Variants in DOCK8 observed in about 807,000 individuals in gnomAD.
DOCK8 encodes dedicator of cytokinesis protein 8.
In DOCK8, 141 loss-of-function variants were observed where a neutral mutation model predicts 245.6. The observed-to-expected ratio is 0.57, with a 90% CI of 0.50 to 0.66. The LOEUF is 0.66. DOCK8 is among the 30% of genes least tolerant of loss of function. DOCK8 has a pLI of 0.00. For missense variants in DOCK8, 2,965 were observed against 2,603.4 expected (o/e 1.14, Z -3.02); for synonymous variants, 1,168 against 970.2 (o/e 1.20, Z -3.79).
chr9:289,729 C>T, intron 4 of DOCK8, 148 bp downstream of exon 4: 1 of 642,650 alleles, frequency 1.6e-6, no homozygotes, highest in Non-Finnish European at 2.7e-6. Flanking sequence ...CTTATCCCCA[C>T]TCCATATCAC....
chr9:403,866 C>CTCTCTCTCTG (rs2055232636), intron 26 of DOCK8, among the ~76,000 whole-genome samples: 1 of 49,860 alleles, frequency 2.0e-5, no homozygotes, highest in Non-Finnish European at 3.3e-5. Flanking sequence ...GTATCTCTCT[C>CTCTCTCTCTG]TCTCTCTCTC....
intron 4 of DOCK8, among the ~76,000 whole-genome samples, chr9:302,917 C>T (rs976408504): frequency 2.0e-5 from 3 of 151,312 alleles, no homozygotes; most frequent in African/African-American, 7.3e-5. Flanking sequence ...TATTTGAAGC[C>T]AGGAGGTTGA....
intron 45 of DOCK8, among the ~76,000 whole-genome samples, chr9:450,198 C>T (rs563319032): frequency 6.6e-6 from 1 of 152,128 alleles, no homozygotes; most frequent in Non-Finnish European, 1.5e-5. Context: ...GTCTCCACTT[C>T]GGGGCCAGAC....
At chr9:227,836 C>T (rs182016616) in intron 1 of DOCK8, among the ~76,000 whole-genome samples, 1 of 152,074 alleles carries the variant, frequency 6.6e-6, no homozygotes, top group Admixed American at 6.5e-5. Flanking sequence ...CACTGTCAAT[C>T]CATACAAAAA....
chr9:283,868 G>T (rs1047143292), intron 2 of DOCK8, among the ~76,000 whole-genome samples: 1 of 152,122 alleles, frequency 6.6e-6, no homozygotes, highest in African/African-American at 2.4e-5. Context: ...TCCCGTGGAT[G>T]TCTCATTTTG....
intron 1 of DOCK8, among the ~76,000 whole-genome samples, chr9:242,058 T>A (rs995843185): frequency 6.6e-6 from 1 of 152,212 alleles, no homozygotes; most frequent in African/African-American, 2.4e-5. Flanking sequence ...TTCTCAAACA[T>A]AGCTATCTTG....
chr9:441,594 A>T (rs1057171524), intron 41 of DOCK8, among the ~76,000 whole-genome samples, 177 bp downstream of exon 41: 7 of 152,238 alleles, frequency 4.6e-5, no homozygotes, highest in African/African-American at 1.4e-4. Flanking sequence ...AAAATTCCAT[A>T]TGTGAAAACA....
rs61121278 is a variant in DOCK8 at position 304,974 on chromosome 9, C to T, written c.528+270C>T. ...CAGAGACACCTTGGGCCCATCCCTACGACAGTTCCTGCAGAGACTCTTGGT... is the reference window on the plus strand; with the variant it reads ...CAGAGACACCTTGGGCCCATCCCTATGACAGTTCCTGCAGAGACTCTTGGT... On this transcript the variant is annotated intron_variant, in intron 5 of 47. Coordinates refer to ENST00000432829, the MANE Select transcript of DOCK8 (RefSeq NM_203447.4). Among the ~76,000 whole-genome samples, 3,335 of 152,182 alleles carry T rather than the reference C, an allele frequency of 0.022. 51 individuals are homozygous for T. Among genetic ancestry groups the T allele is most frequent in the African/African-American group, 0.036 (1,490 of 41,540 alleles).
intron 23 of DOCK8, among the ~76,000 whole-genome samples, chr9:387,382 G>A (rs1273747953): frequency 1.3e-5 from 2 of 151,502 alleles, no homozygotes; most frequent in African/African-American, 2.4e-5. Flanking sequence ...GGCAGAGGCT[G>A]CAGTGAGCTG....
intron 39 of DOCK8, among the ~76,000 whole-genome samples, chr9:438,376 G>A (rs1320871555): frequency 6.6e-6 from 1 of 152,208 alleles, no homozygotes; most frequent in Non-Finnish European, 1.5e-5. Flanking sequence ...TGGCATGTGT[G>A]CCACCTGTTT....
intron 1 of DOCK8, among the ~76,000 whole-genome samples, chr9:249,928 G>C (rs1185806432): frequency 6.6e-6 from 1 of 152,010 alleles, no homozygotes; most frequent in Non-Finnish European, 1.5e-5. Context: ...GCACCTGGCT[G>C]ACGTGCTATT....
intron 14 of DOCK8, chr9:365,749 G>A: frequency 2.3e-6 from 1 of 426,826 alleles, no homozygotes; most frequent in Admixed American, 3.0e-5. Flanking sequence ...CCTCCAGAGA[G>A]AACACCCTCA....
chr9:301,121 C>T (rs143622136), intron 4 of DOCK8, among the ~76,000 whole-genome samples: 59 of 152,256 alleles, frequency 3.9e-4, no homozygotes, highest in African/African-American at 1.4e-3. Context: ...AATCCAGCAG[C>T]ACATTGAAAA....
chr9:313,897 G>T (rs1239523058), intron 6 of DOCK8, among the ~76,000 whole-genome samples: 1 of 152,154 alleles, frequency 6.6e-6, no homozygotes, highest in Non-Finnish European at 1.5e-5. Flanking sequence ...ATCAAAACAT[G>T]ACACTGTACC....
chr9:222,022 G>C (rs1389966784), intron 1 of DOCK8, among the ~76,000 whole-genome samples: 1 of 152,008 alleles, frequency 6.6e-6, no homozygotes, highest in Non-Finnish European at 1.5e-5. Flanking sequence ...TGCTTTGGGA[G>C]GCAGACACAG....
At chr9:224,835 G>A (rs903909259) in intron 1 of DOCK8, among the ~76,000 whole-genome samples, 15 of 152,090 alleles carry the variant, frequency 9.9e-5, no homozygotes, top group African/African-American at 3.6e-4. Context: ...AAAAACTCAG[G>A]CTCAAAGTCC....
At chr9:397,027 A>T in intron 25 of DOCK8, 93 bp downstream of exon 25, 1 of 1,345,186 alleles carries the variant, frequency 7.4e-7, no homozygotes, top group Non-Finnish European at 1.0e-6. Flanking sequence ...TTTTAAAACA[A>T]TAATTAAAAT....
intron 18 of DOCK8, 78 bp from the exon 19 acceptor site, chr9:376,132 C>A: frequency 1.0e-6 from 1 of 974,344 alleles, no homozygotes; most frequent in Non-Finnish European, 1.7e-6. Flanking sequence ...CATTTCCAGT[C>A]AAGTTGGTCT....
At chr9:347,533 A>G (rs1741740476) in intron 14 of DOCK8, among the ~76,000 whole-genome samples, 2 of 152,174 alleles carry the variant, frequency 1.3e-5, no homozygotes, top group South Asian at 4.1e-4. Context: ...CTCTGTCCTA[A>G]GTATCAGATG....
Sources: gnomAD v4.1 joint callset for allele counts (sites outside exome capture counted in the v4.1 genomes callset) on GRCh38, gnomAD v4.1.1 for gene constraint, MANE v1.5 for transcripts, NCBI Gene and HGNC (gene_info 2026-07-23, HGNC 2026-07-21) for gene names.